Variants in ATP1A4 observed in about 807,000 individuals in gnomAD.
ATP1A4 encodes the protein ATPase Na+/K+ transporting subunit alpha 4.
In ATP1A4, 90 loss-of-function variants were observed where a neutral mutation model predicts 114.3. The observed-to-expected ratio is 0.79, with a 90% CI of 0.66 to 0.94. The LOEUF (loss-of-function observed/expected upper bound fraction) is 0.94. ATP1A4 is among the 40% of genes least tolerant of loss of function. ATP1A4 has a pLI of 0.00. For missense variants in ATP1A4, 1,222 were observed against 1,313.6 expected (o/e 0.93, Z 1.08); for synonymous variants, 511 against 494.1 (o/e 1.03, Z -0.45).
At chr1:160,156,220 A>C (rs1194335922) in intron 4 of ATP1A4, 62 bp downstream of exon 4, 2 of 1,179,720 alleles carry the variant, frequency 1.7e-6, no homozygotes, top group Non-Finnish European at 1.3e-6. Flanking sequence ...ATACACAATG[A>C]TGAAGTCCCG....
intron 20 of ATP1A4, 83 bp downstream of exon 20, chr1:160,182,114 C>A: frequency 8.5e-7 from 1 of 1,180,194 alleles, no homozygotes; most frequent in South Asian, 1.2e-5. Flanking sequence ...CTAGGATTGT[C>A]ATGAGCCAGG....
At position 160,176,187 on chromosome 1, in the gene ATP1A4, G is replaced by A. The variant is rs539690328; in HGVS notation, c.2407G>A (p.Gly803Ser). 96 of 1,613,768 alleles carry A rather than the reference G, an allele frequency of 5.9e-5. 2 individuals are homozygous for A. The South Asian group carries it at 7.1e-4, about 12-fold the overall frequency. The change falls in exon 16 of 22, where the codon GGT becomes AGT. Residue 803 changes from glycine (G) to serine (S), a missense_variant. Gly to Ser is a moderately conservative substitution (Grantham distance 56). Coordinates refer to ENST00000368081, the MANE Select transcript of ATP1A4 (RefSeq NM_144699.4). Reference sequence around the variant, plus strand: ...GCCCTTCCTGATGTTCATCATCCTCGGTATACCCCTGCCTCTGGGAACCAT... The same window carrying A: ...GCCCTTCCTGATGTTCATCATCCTCAGTATACCCCTGCCTCTGGGAACCAT... ...ITPFLMFIIL[G>S]IPLPLGTITI...
intron 4 of ATP1A4, among the ~76,000 whole-genome samples, chr1:160,156,601 G>A (rs1571010825): frequency 6.6e-6 from 1 of 152,050 alleles, no homozygotes; most frequent in Non-Finnish European, 1.5e-5. Flanking sequence ...CACTCTGGGA[G>A]GCTGAGGCAA....
intron 18 of ATP1A4, among the ~76,000 whole-genome samples, chr1:160,178,108 G>A (rs1653548838): frequency 6.6e-6 from 1 of 152,158 alleles, no homozygotes; most frequent in Admixed American, 6.5e-5. Flanking sequence ...TGTAATCCCA[G>A]CACTTTGGGA....
Position 160,186,372 on chromosome 1 carries a change from G to A in ATP1A4, c.3061+5G>A. On this transcript the variant is annotated splice_donor_5th_base_variant and intron_variant, in intron 21 of 21. Coordinates refer to ENST00000368081, the MANE Select transcript of ATP1A4 (RefSeq NM_144699.4). ...TCATCCGTCAGCACCCGGATGGTGAGGCTCCCCTGGGCCCCGCTCTGACTG... is the reference window on the plus strand; with the variant it reads ...TCATCCGTCAGCACCCGGATGGTGAAGCTCCCCTGGGCCCCGCTCTGACTG... The A allele has an allele frequency of 6.8e-6, 11 of 1,606,660 alleles. No individual in the cohort carries two copies. Among genetic ancestry groups the A allele is most frequent in the Non-Finnish European group, 9.4e-6 (11 of 1,174,306 alleles).
chr1:160,168,203 G>C (rs981820079), intron 10 of ATP1A4, among the ~76,000 whole-genome samples: 19 of 152,026 alleles, frequency 1.2e-4, no homozygotes, highest in Non-Finnish European at 2.5e-4. Context: ...CAGGAACAGT[G>C]ACATTATCAG....
chr1:160,181,778 A>G lies in ATP1A4; in HGVS notation c.2831A>G (p.Lys944Arg). 6.2e-7 allele frequency: 1 copy of G among 1,613,984 alleles called. No homozygotes were observed. Among genetic ancestry groups the G allele is most frequent in the Non-Finnish European group, 8.5e-7 (1 of 1,179,990 alleles). ...CAGTGGGCGGATCTCATCATCTCCA[A>G]GACTCGCCGCAACTCACTTTTCCAG... ...VVQWADLIIS[K>R]TRRNSLFQQG... is the part of the protein sequence containing the mutation. Residue 944 changes from lysine to arginine, a missense_variant, in exon 19 of 22, where the codon AAG becomes AGG. Transcript: ENST00000368081.
chr1:160,167,510 A>C (rs4656889), intron 10 of ATP1A4, 98 bp downstream of exon 10: 795,482 of 1,512,218 alleles, frequency 0.53, 211,272 homozygotes, highest in African/African-American at 0.68. Context: ...CACCTCGGAG[A>C]AGCAGAGGAG....
Position 160,151,931 on chromosome 1 carries a change from ACT to A in ATP1A4, c.-105_-104del. Reference sequence around the variant, plus strand: ...TCTGCTCCCTCATTCTCTCCCCACCACTCTCTTCTCGTGGCCCCCTTGCCCGC... The same window carrying A: ...TCTGCTCCCTCATTCTCTCCCCACCACTCTTCTCGTGGCCCCCTTGCCCGC... On this transcript the variant is annotated 5_prime_UTR_variant, in exon 1 of 22. Transcript: ENST00000368081. 1 of 1,264,346 alleles carries A rather than the reference ACT, an allele frequency of 7.9e-7. No homozygotes were observed. Among genetic ancestry groups the A allele is most frequent in the Non-Finnish European group, 1.1e-6 (1 of 929,858 alleles). The allele number at this position is 1,264,346 out of a possible 1,614,324, so 78.3% of individuals were successfully genotyped here.
Position 160,170,980 on chromosome 1 carries a change from G to A in ATP1A4, c.1492-271G>A, listed in dbSNP as rs1451563078. 8.9e-6 allele frequency: 3 copies of A among 338,832 alleles called. No homozygotes were observed. In the East Asian group the frequency reaches 1.4e-4, roughly 16 times the overall value. 21.0% of individuals were successfully genotyped at this position (338,832 alleles called of 1,614,324 possible). A position where few individuals can be genotyped will look rare whatever the true frequency, so the allele number is the denominator to read the frequency against. On this transcript the variant is annotated intron_variant, in intron 10 of 21. Coordinates refer to ENST00000368081, the MANE Select transcript of ATP1A4 (RefSeq NM_144699.4). ...CCATCCAGTTGGCAAGGATGCAGGG[G>A]AAAAGTGAGAGTGCCTGGTTCTGCC...
intron 20 of ATP1A4, among the ~76,000 whole-genome samples, chr1:160,184,900 A>T (rs1323665102): frequency 6.6e-6 from 1 of 152,150 alleles, no homozygotes; most frequent in Non-Finnish European, 1.5e-5. Context: ...CAGAAGCATC[A>T]ATATATTCGC....
Position 160,174,116 on chromosome 1 carries a change from C to G in ATP1A4, c.1997C>G (p.Ala666Gly). The change falls in exon 14 of 22, where the codon GCC (alanine) becomes GGC (glycine). Residue 666 changes from alanine to glycine, a missense_variant. By Grantham distance (60) the Ala-to-Gly change is moderately conservative. Transcript: ENST00000368081. ...IPISKVDASA[A>G]KAIVVHGAEL... The stretch of plus-strand genomic sequence containing the variant: ...TTGAAATTATTTTCCCTCAGTGCTG[C>G]CAAAGCCATTGTGGTGCATGGTGCA... 1 of 1,613,748 alleles carries G rather than the reference C, an allele frequency of 6.2e-7. No homozygotes were observed. Among genetic ancestry groups the G allele is most frequent in the Non-Finnish European group, 8.5e-7 (1 of 1,179,886 alleles).
chr1:160,185,640 G>T (rs1433354524), intron 20 of ATP1A4, among the ~76,000 whole-genome samples: 1 of 151,844 alleles, frequency 6.6e-6, no homozygotes, highest in Non-Finnish European at 1.5e-5. Flanking sequence ...ACAAAATTTG[G>T]CCAGGCATGG....
chr1:160,178,315 A>G (rs1278177254), intron 18 of ATP1A4, among the ~76,000 whole-genome samples: 3 of 152,092 alleles, frequency 2.0e-5, no homozygotes, highest in African/African-American at 7.2e-5. Context: ...AGATCACGCC[A>G]TTGCACTGCA....
rs757928498 is a variant in ATP1A4, at chr1:160,152,139, G to A, written c.99G>A (p.Arg33=). ...KGLIKKKMVK[R]EKQKRNMEEL... is the part of the protein sequence containing the mutation. ...TTATCAAGAAAAAAATGGTGAAGAGGGAAAAACAGAAGCGCAATATGGAGG... is the reference window on the plus strand; with the variant it reads ...TTATCAAGAAAAAAATGGTGAAGAGAGAAAAACAGAAGCGCAATATGGAGG... Residue 33 remains arginine (R), a synonymous_variant, in exon 1 of 22, where the codon AGG becomes AGA. Transcript: ENST00000368081. The A allele has an allele frequency of 1.2e-6, 2 of 1,613,918 alleles. No homozygotes were observed. The highest frequency in any genetic ancestry group is 1.7e-5 in the Admixed American group (1 of 59,992).
At chr1:160,174,461 C>G in intron 14 of ATP1A4, 118 bp from the exon 15 acceptor site, 1 of 1,480,936 alleles carries the variant, frequency 6.8e-7, no homozygotes, top group Non-Finnish European at 9.1e-7. Context: ...GGACGGGAGC[C>G]CTAAATCAAG....
Position 160,155,252 on chromosome 1 carries a change from A to T in ATP1A4, c.411+4A>T. The T allele has an allele frequency of 6.2e-7, 1 of 1,610,674 alleles. No homozygotes were observed. The highest frequency in any genetic ancestry group is 2.2e-5 in the East Asian group (1 of 44,842). Reference sequence around the variant, plus strand: ...TGAGGAGCCTACCAAAGACAACGTGAGTCTCTTCAGCTACTACTAGCCAGC... The same window carrying T: ...TGAGGAGCCTACCAAAGACAACGTGTGTCTCTTCAGCTACTACTAGCCAGC... On this transcript the variant is annotated splice_donor_region_variant and intron_variant, in intron 3 of 21. Coordinates refer to ENST00000368081, the MANE Select transcript of ATP1A4 (RefSeq NM_144699.4).
intron 7 of ATP1A4, among the ~76,000 whole-genome samples, chr1:160,165,933 G>C (rs1402490809): frequency 6.6e-6 from 1 of 151,970 alleles, no homozygotes; most frequent in Non-Finnish European, 1.5e-5. Flanking sequence ...ATTCCAGGGG[G>C]GAATAAAGAG....
intron 6 of ATP1A4, 133 bp from the exon 7 acceptor site, chr1:160,164,023 C>A (rs185865161): frequency 3.4e-6 from 4 of 1,185,176 alleles, no homozygotes; most frequent in African/African-American, 1.5e-5. Flanking sequence ...AATATTAGAA[C>A]AAAAGATTCT....
Sources: gnomAD v4.1 joint callset for allele counts (sites outside exome capture counted in the v4.1 genomes callset) on GRCh38, gnomAD v4.1.1 for gene constraint, MANE v1.5 for transcripts, NCBI Gene and HGNC (gene_info 2026-07-23, HGNC 2026-07-21) for gene names.